Variants in SLC5A1 observed in about 807,000 individuals in gnomAD.
SLC5A1 encodes the protein solute carrier family 5 member 1.
Under a neutral mutation model 73.5 loss-of-function variants are expected in SLC5A1, and 42 were observed. The ratio of observed to expected loss-of-function variants is 0.57; its 90% confidence interval spans 0.45 to 0.74. The LOEUF is 0.74. SLC5A1 is among the 30% of genes least tolerant of loss of function. The probability of loss-of-function intolerance (pLI) is 0.00; values close to 1 mark genes in which losing one functional copy is unlikely to be tolerated. For missense variants in SLC5A1, 634 were observed against 855.4 expected, an observed-to-expected ratio of 0.74 and a Z score of 3.23; for synonymous variants, 300 against 317.4, an observed-to-expected ratio of 0.95 and a Z score of 0.58.
chr22:32,089,215 T>G (rs548831265), intron 10 of SLC5A1, among the ~76,000 whole-genome samples: 1 of 152,326 alleles, frequency 6.6e-6, no homozygotes, highest in Admixed American at 6.5e-5. Flanking sequence ...TAATTGGACT[T>G]GATGATCTTT....
intron 13 of SLC5A1, among the ~76,000 whole-genome samples, chr22:32,103,052 T>C (rs1339751193): frequency 3.9e-5 from 6 of 152,210 alleles, no homozygotes; most frequent in African/African-American, 1.2e-4. Context: ...GGTATCTCTT[T>C]GATATACTGG....
chr22:32,080,612 C>T (rs2093998229), intron 5 of SLC5A1, among the ~76,000 whole-genome samples: 1 of 152,116 alleles, frequency 6.6e-6, no homozygotes, highest in African/African-American at 2.4e-5. Context: ...GTTTGCGTGC[C>T]GTGAAATGTT....
intron 5 of SLC5A1, 54 bp downstream of exon 5, chr22:32,068,654 C>A (rs571199151): frequency 8.4e-7 from 1 of 1,189,106 alleles, no homozygotes; most frequent in East Asian, 2.3e-5. Flanking sequence ...CACTCTCATT[C>A]CTCATCACAT....
intron 5 of SLC5A1, among the ~76,000 whole-genome samples, chr22:32,069,896 G>C (rs2093979970): frequency 6.6e-6 from 1 of 152,184 alleles, no homozygotes; most frequent in Non-Finnish European, 1.5e-5. Context: ...AACTTCTCCT[G>C]AATCAGGAGT....
At chr22:32,096,328 C>G (rs1164753922) in intron 11 of SLC5A1, among the ~76,000 whole-genome samples, 1 of 152,154 alleles carries the variant, frequency 6.6e-6, no homozygotes, top group African/African-American at 2.4e-5. Context: ...CTCATCCTGC[C>G]TAAATCCAAA....
At chr22:32,052,506 G>A (rs1157181225) in intron 2 of SLC5A1, among the ~76,000 whole-genome samples, 1 of 152,160 alleles carries the variant, frequency 6.6e-6, no homozygotes, top group Non-Finnish European at 1.5e-5. Context: ...AGGGAACCAG[G>A]CAACTGGACA....
At chr22:32,071,830 C>T (rs1431168888) in intron 5 of SLC5A1, among the ~76,000 whole-genome samples, 2 of 152,128 alleles carry the variant, frequency 1.3e-5, no homozygotes, top group East Asian at 1.9e-4. Context: ...AATACAGTTG[C>T]TAGTGTTTCT....
Position 32,102,095 on chromosome 22 carries a change from C to T in SLC5A1, c.1523C>T (p.Thr508Ile), listed in dbSNP as rs758326954. Residue 508 changes from threonine (T) to isoleucine (I), a missense_variant, in exon 13 of 15, where the codon ACC becomes ATC. This residue lies in a region of SLC5A1 where 422 missense variants were observed against 626.1 expected (regional missense o/e 0.67). Transcript: ENST00000266088. ...SRMITEFAYG[T>I]GSCMEPSNCP... Reference sequence around the variant, plus strand: ...ATGATTACTGAGTTTGCTTATGGAACCGGGAGCTGCATGGAGCCCAGCAAC... The same window carrying T: ...ATGATTACTGAGTTTGCTTATGGAATCGGGAGCTGCATGGAGCCCAGCAAC... 3.1e-6 allele frequency: 5 copies of T among 1,613,992 alleles called. No homozygotes were observed. The highest frequency in any genetic ancestry group is 1.7e-5 in the Admixed American group (1 of 60,000).
chr22:32,066,922 T>C lies in SLC5A1; in HGVS notation c.208-13T>C, dbSNP rs200261297. On this transcript the variant is annotated splice_polypyrimidine_tract_variant and intron_variant, in intron 2 of 14. Coordinates refer to ENST00000266088, the MANE Select transcript of SLC5A1 (RefSeq NM_000343.4). Reference sequence around the variant, plus strand: ...GCACAGAGCCCTCACCTGACTTTCTTTTGCGTTTCCAGATTGGAGCCTCCC... The same window carrying C: ...GCACAGAGCCCTCACCTGACTTTCTCTTGCGTTTCCAGATTGGAGCCTCCC... 4 of 1,604,284 alleles carry C rather than the reference T, an allele frequency of 2.5e-6. No homozygotes were observed. The highest frequency in any genetic ancestry group is 3.4e-6 in the Non-Finnish European group (4 of 1,171,358).
chr22:32,078,576 G>A (rs994638290), intron 5 of SLC5A1, among the ~76,000 whole-genome samples: 4 of 152,022 alleles, frequency 2.6e-5, no homozygotes, highest in African/African-American at 9.7e-5. Context: ...GGCCTGTGGT[G>A]TTTATTTTAA....
rs1036791648 is a variant in SLC5A1 at position 32,058,191 on chromosome 22, G to A, written c.207+8177G>A. Among the ~76,000 whole-genome samples, 7 of 151,924 alleles carry A rather than the reference G, an allele frequency of 4.6e-5. No individual in the cohort carries two copies. In the East Asian group the frequency reaches 1.4e-3, roughly 29 times the overall value. On this transcript the variant is annotated intron_variant, in intron 2 of 14. Coordinates refer to ENST00000266088, the MANE Select transcript of SLC5A1 (RefSeq NM_000343.4). Reference sequence around the variant, plus strand: ...GGTTTGTATCTCCTCATGTCATAACGAATTCTTCAAAGCTATAATTTTAAT... The same window carrying A: ...GGTTTGTATCTCCTCATGTCATAACAAATTCTTCAAAGCTATAATTTTAAT...
Position 32,112,437 on chromosome 22 carries a change from A to G in SLC5A1, c.*2224A>G, listed in dbSNP as rs540416055. The G allele has an allele frequency of 7.2e-5, 11 of 152,356 alleles. No individual in the cohort carries two copies. The highest frequency in any genetic ancestry group is 2.4e-4 in the African/African-American group (10 of 41,584). The allele number at this position is 152,356 out of a possible 1,614,324, so 9.4% of individuals were successfully genotyped here. A position where few individuals can be genotyped will look rare whatever the true frequency, so the allele number is the denominator to read the frequency against. On this transcript the variant is annotated 3_prime_UTR_variant, in exon 15 of 15. Coordinates refer to ENST00000266088, the MANE Select transcript of SLC5A1 (RefSeq NM_000343.4). ...CTGTTGTAAAGATTAGGTGAGGTCA[A>G]TTGATACTGCTTAAAAGGCCCGGTC...
chr22:32,063,457 A>C (rs373230238), intron 2 of SLC5A1, among the ~76,000 whole-genome samples: 2 of 152,160 alleles, frequency 1.3e-5, no homozygotes, highest in Non-Finnish European at 2.9e-5. Flanking sequence ...AGGTCAAGAA[A>C]ACATTCAAAC....
intron 5 of SLC5A1, among the ~76,000 whole-genome samples, chr22:32,077,327 T>C (rs549975329): frequency 6.9e-6 from 1 of 144,406 alleles, no homozygotes; most frequent in South Asian, 2.3e-4. Context: ...TCCCCCTTCC[T>C]CTCTCCCCCT....
chr22:32,111,186 A>T lies in SLC5A1; in HGVS notation c.*973A>T, dbSNP rs986840563. On this transcript the variant is annotated 3_prime_UTR_variant, in exon 15 of 15. Transcript: ENST00000266088. ...AAAGTAGCACAGACCAGATGGCTCA[A>T]GCAGCAGACATTTATTTTCTCACAG... 6.6e-6 allele frequency: 1 copy of T among 152,148 alleles called. No individual in the cohort carries two copies. Among genetic ancestry groups the T allele is most frequent in the Non-Finnish European group, 1.5e-5 (1 of 68,050 alleles). 9.4% of individuals were successfully genotyped at this position (152,148 alleles called of 1,614,324 possible).
chr22:32,059,027 A>G, intron 2 of SLC5A1: 1 of 785,276 alleles, frequency 1.3e-6, no homozygotes, highest in Non-Finnish European at 1.5e-6. Flanking sequence ...GATATCACTT[A>G]CTCACTCAGC....
At chr22:32,049,149 CTAT>C (rs1451670468) in intron 1 of SLC5A1, among the ~76,000 whole-genome samples, 18 of 129,888 alleles carry the variant, frequency 1.4e-4, no homozygotes, top group South Asian at 2.3e-4. Flanking sequence ...TATATATAAT[CTAT>C]ATTATATATA....
At chr22:32,087,013 A>C (rs2094009405) in intron 10 of SLC5A1, among the ~76,000 whole-genome samples, 2 of 152,244 alleles carry the variant, frequency 1.3e-5, no homozygotes, top group South Asian at 4.1e-4. Context: ...AGACTCAAAC[A>C]AATACCACAT....
chr22:32,059,494 C>A, intron 2 of SLC5A1: 1 of 335,466 alleles, frequency 3.0e-6, no homozygotes, highest in Non-Finnish European at 4.2e-6. Flanking sequence ...TAAACAAAAG[C>A]AGGAGGCAGG....
Sources: gnomAD v4.1 joint callset for allele counts (sites outside exome capture counted in the v4.1 genomes callset) on GRCh38, gnomAD v4.1.1 for gene constraint, gnomAD v4.1.1 regional missense constraint, MANE v1.5 for transcripts, NCBI Gene and HGNC (gene_info 2026-07-23, HGNC 2026-07-21) for gene names.